RP9: variants seen among roughly 807,000 people sequenced by gnomAD.
RP9 encodes RP9 pre-mRNA splicing factor.
Under a neutral mutation model 32.6 loss-of-function variants are expected in RP9, and 23 were observed. The ratio of observed to expected loss-of-function variants is 0.71; its 90% CI spans 0.51 to 1.00. The LOEUF (loss-of-function observed/expected upper bound fraction) is 1.00, where lower values mean the gene tolerates loss of function less well. Ranked by LOEUF, RP9 falls within the 50% of genes least tolerant of loss-of-function variation. The probability of loss-of-function intolerance (pLI) is 0.00; values close to 1 mark genes in which losing one functional copy is unlikely to be tolerated. For synonymous variants in RP9, 94 were observed against 103.6 expected, an observed-to-expected ratio of 0.91 and a Z score of 0.56; for missense variants, 245 against 285.3, an observed-to-expected ratio of 0.86 and a Z score of 1.02.
intron 1 of RP9, among the ~76,000 whole-genome samples, chr7:33,107,196 C>T (rs768127621): frequency 3.3e-5 from 5 of 152,186 alleles, no homozygotes; most frequent in Non-Finnish European, 7.3e-5. Context: ...AATGTCTCAA[C>T]GGCTCATTCA....
At chr7:33,097,383 A>G (rs781676257) in intron 3 of RP9, 21 bp from the exon 4 acceptor site, 4 of 1,560,452 alleles carry the variant, frequency 2.6e-6, no homozygotes, top group African/African-American at 2.7e-5. Context: ...AAAGAGAAAT[A>G]TTTCTGTAAG....
At chr7:33,096,816 TATAACACTGCC>T (rs1038395390) in intron 4 of RP9, among the ~76,000 whole-genome samples, 4 of 141,316 alleles carry the variant, frequency 2.8e-5, no homozygotes, top group African/African-American at 8.3e-5. Context: ...ATCACAGAGC[TATAACACTGCC>T]ACCTCAAAAA....
chr7:33,102,596 A>G (rs1174582333), intron 1 of RP9, among the ~76,000 whole-genome samples: 3 of 152,252 alleles, frequency 2.0e-5, no homozygotes, highest in Admixed American at 1.3e-4. Context: ...AAGACCAGTT[A>G]TGTCTGAGAC....
Position 33,099,418 on chromosome 7 carries a change from C to T in RP9, c.202G>A (p.Glu68Lys). 6.2e-7 allele frequency: 1 copy of T among 1,613,502 alleles called. No homozygotes were observed. ...GLIKEDETKP[E>K]DCIPDVPGNE... ...CCTGGTACATCTGGTATGCAATCTT[C>T]TGGCTTAGTCTCATCTTCCTAAAAA... Residue 68 changes from glutamate (E) to lysine (K), a missense_variant, in exon 3 of 6, where the codon GAA becomes AAA. Coordinates refer to ENST00000297157, the MANE Select transcript of RP9 (RefSeq NM_203288.2).
At position 33,095,390 on chromosome 7, in the gene RP9, A is replaced by T. The variant is rs756946444; in HGVS notation, c.510T>A (p.Asp170Glu). The change falls in exon 6 of 6, where the codon GAT becomes GAA. Residue 170 changes from aspartate (D) to glutamate (E), a missense_variant. Transcript: ENST00000297157. ...AGGAACTGGAGCTGCTCCTATCTTC[A>T]TCTGAGGTAGAATCCTCCAGTAACT... ...LKQLLEDSTS[D>E]EDRSSSSSSE... The T allele has an allele frequency of 6.2e-7, 1 of 1,613,130 alleles. No individual in the cohort carries two copies. The highest frequency in any genetic ancestry group is 1.1e-5 in the South Asian group (1 of 91,016).
At chr7:33,101,911 C>A (rs1788431865) in intron 1 of RP9, among the ~76,000 whole-genome samples, 1 of 152,130 alleles carries the variant, frequency 6.6e-6, no homozygotes, top group Non-Finnish European at 1.5e-5. Context: ...TAATGCTATA[C>A]CTTATGCATA....
In RP9 at chr7:33,099,308, C is replaced by T. The variant is rs1788390724; in HGVS notation, c.312G>A (p.Gln104=). 6.2e-7 allele frequency: 1 copy of T among 1,612,964 alleles called. No individual in the cohort carries two copies. Among genetic ancestry groups the T allele is most frequent in the Non-Finnish European group, 8.5e-7 (1 of 1,180,014 alleles). ...TTAGGGAAACTCTCCCACACTCACA[C>T]TGCATAACTTTGACTTCTTTCCCCA... ...MPLGKEVKVM[Q]CWRCKRYGHR... The change falls in exon 3 of 6, where the codon CAG becomes CAA. Residue 104 remains glutamine, a splice_region_variant and synonymous_variant. Coordinates refer to ENST00000297157, the MANE Select transcript of RP9 (RefSeq NM_203288.2).
rs1209515602 is a variant in RP9 at position 33,095,109 on chromosome 7, C to T, written c.*125G>A. On this transcript the variant is annotated 3_prime_UTR_variant, in exon 6 of 6. Coordinates refer to ENST00000297157, the MANE Select transcript of RP9 (RefSeq NM_203288.2). The stretch of plus-strand genomic sequence containing the variant: ...ATCTTCACTGCAAGGCGGGTGGGAG[C>T]TCACTGCTGTGACCCACATATACTC... 5 of 974,150 alleles carry T rather than the reference C, an allele frequency of 5.1e-6. No individual in the cohort carries two copies. The highest frequency in any genetic ancestry group is 8.0e-6 in the Non-Finnish European group (5 of 621,596). 60.3% of individuals were successfully genotyped at this position (974,150 alleles called of 1,614,324 possible). A position where few individuals can be genotyped will look rare whatever the true frequency, so the allele number is the denominator to read the frequency against.
intron 5 of RP9, among the ~76,000 whole-genome samples, 175 bp from the exon 6 acceptor site, chr7:33,095,607 G>A (rs950739177): frequency 6.6e-5 from 10 of 152,034 alleles, no homozygotes; most frequent in African/African-American, 1.4e-4. Flanking sequence ...CCTACTTTAC[G>A]TGACTGAAAC....
At chr7:33,096,622 C>T (rs1788338497) in intron 4 of RP9, 68 bp from the exon 5 acceptor site, 12 of 1,059,292 alleles carry the variant, frequency 1.1e-5, no homozygotes, top group South Asian at 1.3e-5. Context: ...CAATGAAATG[C>T]CTATGTTATG....
intron 2 of RP9, 43 bp downstream of exon 2, chr7:33,100,488 G>A: frequency 1.3e-6 from 2 of 1,524,100 alleles, no homozygotes; most frequent in Non-Finnish European, 9.1e-7. Context: ...GAGTCTACAA[G>A]TATGTCTTGT....
At position 33,109,109 on chromosome 7, in the gene RP9, G is replaced by GCA; in HGVS notation, c.152+111_152+112insTG. 1 of 1,384,570 alleles carries GCA rather than the reference G, an allele frequency of 7.2e-7. No homozygotes were observed. The highest frequency in any genetic ancestry group is 9.4e-7 in the Non-Finnish European group (1 of 1,068,250). 85.8% of individuals were successfully genotyped at this position (1,384,570 alleles called of 1,614,324 possible). On this transcript the variant is annotated intron_variant, in intron 1 of 5. Transcript: ENST00000297157. The surrounding 1 kb of genome is among the most constrained non-coding windows in gnomAD (Gnocchi z 4.9). ...GGCTCCTGCCGGGCCCAGCCCCCCTGCCTGCTCGCGGGGGCTCGGAGGACC... is the reference window on the plus strand; with the variant it reads ...GGCTCCTGCCGGGCCCAGCCCCCCTGCACCTGCTCGCGGGGGCTCGGAGGACC...
chr7:33,109,014 C>G lies in RP9; in HGVS notation c.152+207G>C, dbSNP rs1361904672. Among the ~76,000 whole-genome samples the G allele has an allele frequency of 2.0e-5, 3 of 152,138 alleles. No individual in the cohort carries two copies. The highest frequency in any genetic ancestry group is 4.4e-5 in the Non-Finnish European group (3 of 68,020). On this transcript the variant is annotated intron_variant, in intron 1 of 5. Coordinates refer to ENST00000297157, the MANE Select transcript of RP9 (RefSeq NM_203288.2). This position sits in a 1 kb window ranked among gnomAD's most constrained non-coding sequence, Gnocchi z 4.9. Reference sequence around the variant, plus strand: ...TTGGTGCCGAGCGGCAGTTGGCTCCCTGAACGCCCCGCCAGGAGGATGGAC... The same window carrying G: ...TTGGTGCCGAGCGGCAGTTGGCTCCGTGAACGCCCCGCCAGGAGGATGGAC...
rs1319252991 is a variant in RP9, at chr7:33,109,208, G to C, written c.152+13C>G. On this transcript the variant is annotated intron_variant, in intron 1 of 5. Coordinates refer to ENST00000297157, the MANE Select transcript of RP9 (RefSeq NM_203288.2). The surrounding 1 kb of genome is among the most constrained non-coding windows in gnomAD (Gnocchi z 4.9). ...GAAGACTGGCCGCGCGCGGACGGCA[G>C]CTCGGGACTCACAAGGACTCCAGGT... 5 of 1,493,084 alleles carry C rather than the reference G, an allele frequency of 3.3e-6. No individual in the cohort carries two copies. The highest frequency in any genetic ancestry group is 4.5e-6 in the Non-Finnish European group (5 of 1,123,384). The allele number at this position is 1,493,084 out of a possible 1,614,324, so 92.5% of individuals were successfully genotyped here. A position where few individuals can be genotyped will look rare whatever the true frequency, so the allele number is the denominator to read the frequency against.
chr7:33,096,803 G>A (rs1788342465), intron 4 of RP9, among the ~76,000 whole-genome samples: 1 of 148,768 alleles, frequency 6.7e-6, no homozygotes, highest in Non-Finnish European at 1.5e-5. Context: ...CTCTGCAGGA[G>A]CAATCACAGA....
chr7:33,096,369 A>C, intron 5 of RP9, 124 bp downstream of exon 5: 2 of 755,206 alleles, frequency 2.6e-6, no homozygotes, highest in Non-Finnish European at 4.7e-6. Context: ...CCTGCACTCC[A>C]CATATTTTCA....
chr7:33,098,666 T>C (rs979920715), intron 3 of RP9, among the ~76,000 whole-genome samples: 4 of 152,216 alleles, frequency 2.6e-5, no homozygotes, highest in Admixed American at 6.5e-5. Flanking sequence ...CTGAGGCACG[T>C]TGTCTTTGCT....
At position 33,097,365 on chromosome 7, in the gene RP9, AAAAACG is replaced by A. The variant is rs760406324; in HGVS notation, c.314-9_314-4del. On this transcript the variant is annotated splice_polypyrimidine_tract_variant and splice_region_variant and intron_variant, in intron 3 of 5. Coordinates refer to ENST00000297157, the MANE Select transcript of RP9 (RefSeq NM_203288.2). ...ACCATAGCGTTTGCAACGCCAACCT[AAAAACG>A]AAAAGAGAAATATTTCTGTAAGATA... The A allele has an allele frequency of 7.5e-6, 12 of 1,602,582 alleles. No individual in the cohort carries two copies. The East Asian group carries it at 2.2e-4, about 30-fold the overall frequency.
Position 33,109,359 on chromosome 7 carries a change from G to A in RP9, c.14C>T (p.Pro5Leu). 2.1e-6 allele frequency: 3 copies of A among 1,421,300 alleles called. No individual in the cohort carries two copies. The highest frequency in any genetic ancestry group is 2.8e-6 in the Non-Finnish European group (3 of 1,089,144). The allele number at this position is 1,421,300 out of a possible 1,614,324, so 88.0% of individuals were successfully genotyped here. ...CGCAGCCCCCACGTCCTCGCGCCCA[G>A]GCCGGGACGACATGTCAGCCCCCGC... MSSR[P>L]GREDVGAAGA... The change falls in exon 1 of 6, where the codon CCT becomes CTT. Residue 5 changes from proline (P) to leucine (L), a missense_variant. This residue lies in a region of RP9 where 182 missense variants were observed against 175.5 expected (regional missense o/e 1.04). Coordinates refer to ENST00000297157, the MANE Select transcript of RP9 (RefSeq NM_203288.2). The surrounding 1 kb of genome is among the most constrained non-coding windows in gnomAD (Gnocchi z 4.9).
Sources: allele counts gnomAD v4.1 joint callset (sites outside exome capture counted in the v4.1 genomes callset), GRCh38; gene constraint gnomAD v4.1.1; regional missense constraint gnomAD v4.1.1; non-coding constraint Gnocchi (gnomAD v3.1); transcripts MANE v1.5; gene names NCBI Gene and HGNC (gene_info 2026-07-23, HGNC 2026-07-21).